The following TGFB2 variants were observed in gnomAD, a reference collection of about 807,000 sequenced individuals.
TGFB2 encodes the protein transforming growth factor beta 2, also known as transforming growth factor beta-2 proprotein.
Under a neutral mutation model 42.7 loss-of-function variants are expected in TGFB2, and 13 were observed. That is an observed-to-expected ratio of 0.30 (90% confidence interval 0.20 to 0.48). TGFB2 has a LOEUF of 0.48. Among genes scored for constraint, TGFB2 ranks in the 20% least tolerant of loss-of-function variants. TGFB2 has a pLI of 0.99. For missense variants in TGFB2, 390 were observed against 517.5 expected (o/e 0.75, Z 2.39); for synonymous variants, 193 against 193.6 (o/e 1.00, Z 0.03).
chr1:218,358,993 C>T (rs1247855008), intron 1 of TGFB2, among the ~76,000 whole-genome samples: 1 of 148,890 alleles, frequency 6.7e-6, no homozygotes, highest in African/African-American at 2.4e-5. Flanking sequence ...ACGGTCCCCC[C>T]AGAGGTCAGT....
chr1:218,399,152 G>C (rs541752622), intron 1 of TGFB2, among the ~76,000 whole-genome samples: 2 of 152,332 alleles, frequency 1.3e-5, no homozygotes, highest in Non-Finnish European at 1.5e-5. Context: ...GCCTCCCAGA[G>C]TGCTGGGATT....
chr1:218,424,430 G>A (rs552203305), intron 2 of TGFB2, among the ~76,000 whole-genome samples: 35 of 152,164 alleles, frequency 2.3e-4, no homozygotes, highest in Non-Finnish European at 4.1e-4. Context: ...ATAAATACAG[G>A]CTACAGCAGT....
intron 1 of TGFB2, among the ~76,000 whole-genome samples, chr1:218,397,708 A>G (rs186747956): frequency 6.6e-6 from 1 of 152,284 alleles, no homozygotes; most frequent in Admixed American, 6.5e-5. Context: ...AATGCAGACC[A>G]CCATCCATAC....
intron 2 of TGFB2, among the ~76,000 whole-genome samples, chr1:218,415,593 G>T (rs1342318532): frequency 6.6e-6 from 1 of 150,784 alleles, no homozygotes; most frequent in Non-Finnish European, 1.5e-5. Flanking sequence ...TACTCAGGAG[G>T]CTGAGGCAGG....
intron 2 of TGFB2, among the ~76,000 whole-genome samples, chr1:218,415,468 G>C (rs1659243772): frequency 6.6e-6 from 1 of 151,980 alleles, no homozygotes; most frequent in African/African-American, 2.4e-5. Flanking sequence ...GCCGAGGTGG[G>C]TGGAACACTT....
intron 1 of TGFB2, among the ~76,000 whole-genome samples, chr1:218,372,651 A>AGACTTG (rs1053612280): frequency 2.0e-5 from 3 of 152,218 alleles, no homozygotes; most frequent in Non-Finnish European, 2.9e-5. Flanking sequence ...ACCATGGCAA[A>AGACTTG]GACTTGGACT....
At chr1:218,403,207 G>T (rs561249726) in intron 1 of TGFB2, among the ~76,000 whole-genome samples, 32 of 152,070 alleles carry the variant, frequency 2.1e-4, no homozygotes, top group South Asian at 1.5e-3. Context: ...ATTTTTTGGG[G>T]TTTTTTTGTT....
intron 4 of TGFB2, among the ~76,000 whole-genome samples, chr1:218,434,886 A>G (rs1659922042): frequency 6.6e-6 from 1 of 152,218 alleles, no homozygotes; most frequent in Non-Finnish European, 1.5e-5. Context: ...AGCTTCCATA[A>G]CTAACCTTCC....
chr1:218,418,373 C>T (rs1659347896), intron 2 of TGFB2, among the ~76,000 whole-genome samples: 1 of 152,192 alleles, frequency 6.6e-6, no homozygotes, highest in African/African-American at 2.4e-5. Flanking sequence ...TTTGTTTTGA[C>T]CAATTTCTCC....
intron 1 of TGFB2, among the ~76,000 whole-genome samples, chr1:218,381,777 T>C (rs1193430297): frequency 3.3e-5 from 5 of 152,188 alleles, no homozygotes; most frequent in African/African-American, 9.7e-5. Context: ...CTGAATCCTG[T>C]GTGTGAATAA....
chr1:218,364,504 GAA>G (rs1657323953), intron 1 of TGFB2, among the ~76,000 whole-genome samples: 1 of 152,210 alleles, frequency 6.6e-6, no homozygotes, highest in Non-Finnish European at 1.5e-5. Context: ...AGGAAAAAAG[GAA>G]ACAGACTTGC....
intron 1 of TGFB2, among the ~76,000 whole-genome samples, chr1:218,399,353 G>A (rs7525821): frequency 0.065 from 9,821 of 152,140 alleles, 1,073 homozygotes; most frequent in African/African-American, 0.22. Flanking sequence ...TGCCTGTATC[G>A]AAGTATTTCA....
At chr1:218,395,143 A>C (rs1658460232) in intron 1 of TGFB2, among the ~76,000 whole-genome samples, 1 of 152,144 alleles carries the variant, frequency 6.6e-6, no homozygotes. Context: ...GGGCTTGTGA[A>C]TAAGAGCCAG....
intron 1 of TGFB2, among the ~76,000 whole-genome samples, chr1:218,404,407 G>A (rs1442580030): frequency 6.6e-6 from 1 of 152,212 alleles, no homozygotes; most frequent in Non-Finnish European, 1.5e-5. Flanking sequence ...GTGACCCACT[G>A]TGCCCGTCCT....
chr1:218,401,224 A>T (rs1658708076), intron 1 of TGFB2, among the ~76,000 whole-genome samples: 1 of 151,312 alleles, frequency 6.6e-6, no homozygotes, highest in African/African-American at 2.4e-5. Context: ...AGCAGATACA[A>T]GTCAACATAT....
intron 1 of TGFB2, among the ~76,000 whole-genome samples, chr1:218,355,662 A>G (rs889841691): frequency 7.2e-5 from 11 of 152,158 alleles, no homozygotes; most frequent in Non-Finnish European, 1.3e-4. Flanking sequence ...TCGACTTTCT[A>G]GGGGTTGTAA....
intron 1 of TGFB2, among the ~76,000 whole-genome samples, chr1:218,366,896 G>T (rs1334488668): frequency 2.0e-5 from 3 of 152,216 alleles, no homozygotes; most frequent in African/African-American, 7.2e-5. Context: ...TCCTTCAAGT[G>T]TGACCCTGAA....
chr1:218,438,374 G>T (rs1660040784), intron 6 of TGFB2, among the ~76,000 whole-genome samples: 1 of 152,104 alleles, frequency 6.6e-6, no homozygotes, highest in Non-Finnish European at 1.5e-5. Flanking sequence ...TTAATGCCTG[G>T]GAGTGTGTGA....
chr1:218,386,090 C>T (rs1337708548), intron 1 of TGFB2, among the ~76,000 whole-genome samples: 1 of 152,140 alleles, frequency 6.6e-6, no homozygotes, highest in Non-Finnish European at 1.5e-5. Context: ...TTGGGCTGTT[C>T]TGAGATTTAT....
Sources: gnomAD v4.1 joint callset for allele counts (sites outside exome capture counted in the v4.1 genomes callset) on GRCh38, gnomAD v4.1.1 for gene constraint, MANE v1.5 for transcripts, NCBI Gene and HGNC (gene_info 2026-07-23, HGNC 2026-07-21) for gene names.